Variants in PGLYRP3 observed in about 807,000 individuals in gnomAD.
PGLYRP3 encodes peptidoglycan recognition protein I alpha.
Under a neutral mutation model 36.0 loss-of-function variants are expected in PGLYRP3, and 39 were observed. The ratio of observed to expected loss-of-function variants is 1.08; its 90% confidence interval spans 0.84 to 1.41. PGLYRP3 has a LOEUF of 1.41. PGLYRP3 is among the 40% of genes most tolerant of loss of function. PGLYRP3 has a pLI of 0.00. For synonymous variants in PGLYRP3, 204 were observed against 172.8 expected (o/e 1.18, Z -1.42); for missense variants, 407 against 427.9 (o/e 0.95, Z 0.43).
chr1:153,310,596 G>A lies in PGLYRP3; in HGVS notation c.55+15C>T. The A allele has an allele frequency of 6.2e-7, 1 of 1,613,628 alleles. No individual in the cohort carries two copies. The highest frequency in any genetic ancestry group is 8.5e-7 in the Non-Finnish European group (1 of 1,179,568). On this transcript the variant is annotated intron_variant, in intron 2 of 7. Coordinates refer to ENST00000683862, the MANE Select transcript of PGLYRP3 (RefSeq NM_052891.3). Reference sequence around the variant, plus strand: ...CTCATCAAAAGCACTTCTGATGCAAGTAAATAAAACTTACCCCAAGCCTGG... The same window carrying A: ...CTCATCAAAAGCACTTCTGATGCAAATAAATAAAACTTACCCCAAGCCTGG...
Position 153,299,976 on chromosome 1 carries a change from C to T in PGLYRP3, c.729-745G>A, listed in dbSNP as rs890088167. Among the ~76,000 whole-genome samples, 4 of 152,282 alleles carry T rather than the reference C, an allele frequency of 2.6e-5. No homozygotes were observed. The East Asian group carries it at 7.7e-4, about 29-fold the overall frequency. On this transcript the variant is annotated intron_variant, in intron 6 of 7. Coordinates refer to ENST00000683862, the MANE Select transcript of PGLYRP3 (RefSeq NM_052891.3). ...AGCTTCCTGCCCAGAGTTTTGCCTC[C>T]TTCCAACCCATTCTTAAAGTAGCAC...
chr1:153,299,849 T>A (rs1659542296), intron 6 of PGLYRP3, among the ~76,000 whole-genome samples: 1 of 152,176 alleles, frequency 6.6e-6, no homozygotes, highest in East Asian at 1.9e-4. Context: ...TGGTCACCAA[T>A]CATGGCTTGT....
intron 4 of PGLYRP3, among the ~76,000 whole-genome samples, chr1:153,304,589 G>T (rs1161224828): frequency 1.6e-5 from 1 of 63,208 alleles, no homozygotes; most frequent in African/African-American, 7.1e-5. Context: ...GCTGCCTTCT[G>T]GTCACTTTCT....
chr1:153,309,435 T>G (rs1204390377), intron 2 of PGLYRP3, among the ~76,000 whole-genome samples: 1 of 152,234 alleles, frequency 6.6e-6, no homozygotes, highest in Non-Finnish European at 1.5e-5. Flanking sequence ...TCATAACAAC[T>G]GTACTCTGCA....
intron 6 of PGLYRP3, among the ~76,000 whole-genome samples, chr1:153,301,446 G>A (rs1273439429): frequency 3.3e-5 from 5 of 152,202 alleles, no homozygotes; most frequent in East Asian, 1.9e-4. Context: ...GTCAAGGAAC[G>A]GGGATGGAGT....
rs1659763073 is a variant in PGLYRP3, at chr1:153,307,195, G to A, written c.128C>T (p.Pro43Leu). The A allele has an allele frequency of 6.2e-7, 1 of 1,612,226 alleles. No individual in the cohort carries two copies. The highest frequency in any genetic ancestry group is 1.1e-5 in the South Asian group (1 of 90,558). Reference sequence around the variant, plus strand: ...CTGGTCTGTGATGATGTAGGCCACAGGCAGGGTCAGCAGGGCCCTGCAGGC... The same window carrying A: ...CTGGTCTGTGATGATGTAGGCCACAAGCAGGGTCAGCAGGGCCCTGCAGGC... Reference protein sequence around the residue: ...PLACRALLTLPVAYIITDQLP... With the variant: ...PLACRALLTLLVAYIITDQLP... Residue 43 changes from proline to leucine, a missense_variant, in exon 3 of 8, where the codon CCT becomes CTT. Transcript: ENST00000683862.
intron 6 of PGLYRP3, among the ~76,000 whole-genome samples, chr1:153,300,031 T>C (rs1659545751): frequency 6.6e-6 from 1 of 152,182 alleles, no homozygotes. Flanking sequence ...ATACAAATCC[T>C]ATCATAGAGC....
intron 2 of PGLYRP3, among the ~76,000 whole-genome samples, chr1:153,307,938 A>T (rs1474448587): frequency 1.3e-5 from 2 of 151,686 alleles, no homozygotes; most frequent in African/African-American, 4.8e-5. Flanking sequence ...AGACACTGTC[A>T]TGCTGGAGCT....
At position 153,297,578 on chromosome 1, in the gene PGLYRP3, AAAG is replaced by A. The variant is rs1376289276; in HGVS notation, c.*375_*377del. Among the ~76,000 whole-genome samples, 330 of 48,454 alleles carry A rather than the reference AAAG, an allele frequency of 6.8e-3. 10 individuals are homozygous for A. Among genetic ancestry groups the A allele is most frequent in the East Asian group, 0.036 (146 of 4,028 alleles). The allele number at this position is 48,454 out of a possible 152,430, so 31.8% of individuals were successfully genotyped here. ...AAGAAAGAAAAAGAAAGAAAGAAAG[AAAG>A]AAGAAAGAAAGAAAGAAAGAAAGAG... On this transcript the variant is annotated 3_prime_UTR_variant, in exon 8 of 8. Transcript: ENST00000683862.
chr1:153,309,700 G>A (rs1006392959), intron 2 of PGLYRP3, among the ~76,000 whole-genome samples: 1 of 152,216 alleles, frequency 6.6e-6, no homozygotes, highest in African/African-American at 2.4e-5. Context: ...ACTGGGGAGG[G>A]GGAGGGAGGA....
At chr1:153,312,394 G>GT (rs1184418597) in intron 1 of PGLYRP3, among the ~76,000 whole-genome samples, 4 of 152,186 alleles carry the variant, frequency 2.6e-5, no homozygotes, top group Admixed American at 2.6e-4. Context: ...AAGAAATTGG[G>GT]TAGAGGTAAC....
chr1:153,309,583 A>G (rs1659846056), intron 2 of PGLYRP3, among the ~76,000 whole-genome samples: 2 of 152,176 alleles, frequency 1.3e-5, no homozygotes, highest in South Asian at 4.1e-4. Flanking sequence ...AAGAGCAAAT[A>G]CATGACCAGG....
rs1048713642 is a variant in PGLYRP3, at chr1:153,307,322, C to T, written c.56-55G>A. On this transcript the variant is annotated intron_variant, in intron 2 of 7. Transcript: ENST00000683862. ...GCAGGCCCTGCCCATCTTCCCCCAACAGGTCGACCATGTGCCCTGACCTCT... is the reference window on the plus strand; with the variant it reads ...GCAGGCCCTGCCCATCTTCCCCCAATAGGTCGACCATGTGCCCTGACCTCT... The T allele has an allele frequency of 4.6e-6, 7 of 1,513,258 alleles. No homozygotes were observed. The Admixed American group carries it at 5.9e-5, about 13-fold the overall frequency. 93.7% of individuals were successfully genotyped at this position (1,513,258 alleles called of 1,614,324 possible).
rs1272990804 is a variant in PGLYRP3 at position 153,308,026 on chromosome 1, G to A, written c.56-759C>T. On this transcript the variant is annotated intron_variant, in intron 2 of 7. Coordinates refer to ENST00000683862, the MANE Select transcript of PGLYRP3 (RefSeq NM_052891.3). ...TTTTTTTTTTTTGAAATGGAGTCTC[G>A]CGCTGTCACCCAGGCTGCAGTGCAG... Among the ~76,000 whole-genome samples the A allele has an allele frequency of 7.5e-5, 11 of 146,780 alleles. 1 individual carries two copies. The highest frequency in any genetic ancestry group is 1.3e-4 in the African/African-American group (5 of 39,640).
At chr1:153,311,922 A>G (rs1659903821) in intron 1 of PGLYRP3, among the ~76,000 whole-genome samples, 1 of 152,214 alleles carries the variant, frequency 6.6e-6, no homozygotes, top group African/African-American at 2.4e-5. Flanking sequence ...GCTAATTACA[A>G]ATGAGGCAGG....
At chr1:153,301,160 A>G (rs1007573868) in intron 6 of PGLYRP3, among the ~76,000 whole-genome samples, 1 of 152,120 alleles carries the variant, frequency 6.6e-6, no homozygotes, top group African/African-American at 2.4e-5. Flanking sequence ...ACCTCAAGCA[A>G]TCCTTCCGCC....
Position 153,312,685 on chromosome 1 carries a change from G to A in PGLYRP3, c.-84C>T, listed in dbSNP as rs921358177. On this transcript the variant is annotated 5_prime_UTR_variant, in exon 1 of 8. Transcript: ENST00000683862. Reference sequence around the variant, plus strand: ...TTCCAGCCCAGCAGGTCAGGGTGCAGTCGGCTCGCCCCTGATTGGCCAGCA... The same window carrying A: ...TTCCAGCCCAGCAGGTCAGGGTGCAATCGGCTCGCCCCTGATTGGCCAGCA... Among the ~76,000 whole-genome samples the A allele has an allele frequency of 6.6e-6, 1 of 152,086 alleles. No homozygotes were observed. The highest frequency in any genetic ancestry group is 1.5e-5 in the Non-Finnish European group (1 of 68,006).
chr1:153,310,871 T>A (rs1217103482), intron 1 of PGLYRP3, among the ~76,000 whole-genome samples, 165 bp from the exon 2 acceptor site: 4 of 152,030 alleles, frequency 2.6e-5, no homozygotes, highest in African/African-American at 9.7e-5. Context: ...AGGTTCCCAA[T>A]AAATGTGAGG....
At chr1:153,310,732 C>T in intron 1 of PGLYRP3, 26 bp from the exon 2 acceptor site, 2 of 1,402,286 alleles carry the variant, frequency 1.4e-6, no homozygotes, top group Admixed American at 1.7e-5. Context: ...ACAGTTAACA[C>T]AACCATGCTA....
Sources: allele counts gnomAD v4.1 joint callset (sites outside exome capture counted in the v4.1 genomes callset), GRCh38; gene constraint gnomAD v4.1.1; transcripts MANE v1.5; gene names NCBI Gene and HGNC (gene_info 2026-07-23, HGNC 2026-07-21).